Variants in GLIS3 observed in about 807,000 individuals in gnomAD.
GLIS3 encodes GLIS family zinc finger 3, also known as zinc finger protein GLIS3.
A neutral mutation model predicts 78.6 loss-of-function variants in GLIS3; 53 were observed. The ratio of observed to expected loss-of-function variants is 0.67; its 90% confidence interval spans 0.54 to 0.85. The LOEUF (loss-of-function observed/expected upper bound fraction) is 0.85, where lower values mean the gene tolerates loss of function less well. Ranked by LOEUF, GLIS3 falls within the 40% of genes least tolerant of loss-of-function variation. GLIS3 has a pLI of 0.00. For missense variants in GLIS3, 1,703 were observed against 1,231.1 expected, an observed-to-expected ratio of 1.38 and a Z score of -5.74; for synonymous variants, 684 against 509.9, an observed-to-expected ratio of 1.34 and a Z score of -4.60.
intron 4 of GLIS3, chr9:4,035,809 C>T (rs1824252522): frequency 6.6e-6 from 1 of 152,374 alleles, no homozygotes; most frequent in Non-Finnish European, 1.5e-5. Context: ...TATCCCTGCC[C>T]CACTCAAATG....
At chr9:4,473,683 T>G in the GLIS3 span, among the ~76,000 whole-genome samples, 6 of 152,000 alleles carry the variant, frequency 3.9e-5, no homozygotes, top group South Asian at 4.1e-4. Context: ...GAAAAGTAAC[T>G]AAGCTTAATA....
intron 2 of GLIS3, among the ~76,000 whole-genome samples, chr9:4,190,864 G>C (rs1355256608): frequency 6.6e-6 from 1 of 152,228 alleles, no homozygotes; most frequent in African/African-American, 2.4e-5. Flanking sequence ...CCAGAAGACA[G>C]TGGGGGCCAA....
At chr9:4,340,321 C>G (rs1233461667) in intron 2 of GLIS3, among the ~76,000 whole-genome samples, 3 of 110,926 alleles carry the variant, frequency 2.7e-5, no homozygotes, top group Non-Finnish European at 5.3e-5. Flanking sequence ...TGTCATTTTC[C>G]TTTATTTGCC....
At chr9:4,241,443 T>G (rs1563814472) in intron 2 of GLIS3, among the ~76,000 whole-genome samples, 1 of 152,284 alleles carries the variant, frequency 6.6e-6, no homozygotes, top group East Asian at 1.9e-4. Flanking sequence ...TTTTTCAAAA[T>G]AGCTAGAAGA....
At chr9:3,940,919 T>C (rs1334055879) in intron 4 of GLIS3, among the ~76,000 whole-genome samples, 1 of 152,170 alleles carries the variant, frequency 6.6e-6, no homozygotes, top group Admixed American at 6.5e-5. Flanking sequence ...GCAGGTTACA[T>C]ACTGACGCAC....
In GLIS3 at chr9:4,125,733, C is replaced by A; in HGVS notation, c.596+1G>T. On this transcript the variant is annotated splice_donor_variant, in intron 3 of 10. Coordinates refer to ENST00000381971, the MANE Select transcript of GLIS3 (RefSeq NM_001042413.2). LOFTEE classifies it high-confidence loss of function. ...AGGGGAAAAAAAAGTTAACTTGAGA[C>A]CTGGTATCTGAAGGAGGTATATTCA... 3 of 1,612,038 alleles carry A rather than the reference C, an allele frequency of 1.9e-6. No homozygotes were observed. The highest frequency in any genetic ancestry group is 2.5e-6 in the Non-Finnish European group (3 of 1,178,922).
At chr9:4,364,868 T>C in the GLIS3 span, among the ~76,000 whole-genome samples, 1 of 146,678 alleles carries the variant, frequency 6.8e-6, no homozygotes, top group Non-Finnish European at 1.5e-5. Context: ...ACTACAGCCT[T>C]CAACTCCTGG....
chr9:4,364,704 T>A, the GLIS3 span, among the ~76,000 whole-genome samples: 1 of 113,270 alleles, frequency 8.8e-6, no homozygotes, highest in Non-Finnish European at 1.9e-5. Flanking sequence ...ATATTTTTAT[T>A]ACACTTTATA....
At chr9:4,079,768 A>G (rs1564020301) in intron 4 of GLIS3, among the ~76,000 whole-genome samples, 1 of 152,042 alleles carries the variant, frequency 6.6e-6, no homozygotes, top group Non-Finnish European at 1.5e-5. Context: ...AAGAAAAAAG[A>G]AAACCTACCT....
the GLIS3 span, among the ~76,000 whole-genome samples, chr9:4,406,537 T>C: frequency 6.6e-6 from 1 of 152,082 alleles, no homozygotes. Flanking sequence ...TCAGATATGA[T>C]CTTATACTTG....
intron 6 of GLIS3, among the ~76,000 whole-genome samples, chr9:3,917,330 A>G (rs1186296913): frequency 6.6e-6 from 1 of 152,244 alleles, no homozygotes; most frequent in Non-Finnish European, 1.5e-5. Flanking sequence ...TTGCATGAAC[A>G]GTGCACTCAG....
chr9:4,231,171 A>G (rs1822220055), intron 2 of GLIS3, among the ~76,000 whole-genome samples: 1 of 152,246 alleles, frequency 6.6e-6, no homozygotes, highest in Admixed American at 6.5e-5. Flanking sequence ...ATTAAAAAGC[A>G]GAGTAAGAAC....
At chr9:4,027,483 C>T (rs1264732592) in intron 4 of GLIS3, among the ~76,000 whole-genome samples, 1 of 150,682 alleles carries the variant, frequency 6.6e-6, no homozygotes, top group African/African-American at 2.5e-5. Flanking sequence ...ATATTCACTC[C>T]CCCCACCTCA....
At chr9:4,452,465 T>C in the GLIS3 span, among the ~76,000 whole-genome samples, 1 of 152,198 alleles carries the variant, frequency 6.6e-6, no homozygotes, top group African/African-American at 2.4e-5. Context: ...GATAAGCAAC[T>C]TCAGCAAAGT....
chr9:3,967,031 AAAC>A lies in GLIS3; in HGVS notation c.1711-29845_1711-29843del, dbSNP rs1418136669. 4.8e-3 allele frequency among the ~76,000 whole-genome samples: 681 copies of A among 141,784 alleles called. 114 individuals are homozygous for A. The highest frequency in any genetic ancestry group is 0.017 in the African/African-American group (603 of 35,230). The allele number at this position is 141,784 out of a possible 152,430, so 93.0% of individuals were successfully genotyped here. On this transcript the variant is annotated intron_variant, in intron 4 of 10. Coordinates refer to ENST00000381971, the MANE Select transcript of GLIS3 (RefSeq NM_001042413.2). ...TTCTGCAAAAAAAAAAAAAAAAAAA[AAAC>A]AAAAAAACATTTTGAGGATTTCTCA...
At chr9:4,089,136 T>C (rs1829287521) in intron 4 of GLIS3, among the ~76,000 whole-genome samples, 1 of 152,258 alleles carries the variant, frequency 6.6e-6, no homozygotes, top group South Asian at 2.1e-4. Flanking sequence ...TAGTTTTTTA[T>C]GTTTCTTAAT....
chr9:4,298,074 A>G (rs905313588), intron 1 of GLIS3, among the ~76,000 whole-genome samples: 7 of 152,154 alleles, frequency 4.6e-5, no homozygotes, highest in African/African-American at 1.4e-4. Context: ...GCAGCGCAAC[A>G]AAACAAACTA....
chr9:4,446,135 T>C, the GLIS3 span, among the ~76,000 whole-genome samples: 1 of 152,228 alleles, frequency 6.6e-6, no homozygotes, highest in South Asian at 2.1e-4. Context: ...TTTACAGATG[T>C]TCTGGTCTGA....
At chr9:4,295,514 A>G (rs944923804) in intron 1 of GLIS3, among the ~76,000 whole-genome samples, 1 of 152,194 alleles carries the variant, frequency 6.6e-6, no homozygotes, top group African/African-American at 2.4e-5. Context: ...AAGAAGCCAG[A>G]CCCAAGAGTG....
Sources: gnomAD v4.1 joint callset for allele counts (sites outside exome capture counted in the v4.1 genomes callset) on GRCh38, gnomAD v4.1.1 for gene constraint, MANE v1.5 for transcripts, NCBI Gene and HGNC (gene_info 2026-07-23, HGNC 2026-07-21) for gene names.